The following DGLUCY variants were observed in gnomAD, a reference collection of about 807,000 sequenced individuals.
DGLUCY encodes the protein D-glutamate cyclase.
DGLUCY carries 58 observed loss-of-function variants against 58.5 expected under a neutral mutation model. The observed-to-expected ratio is 0.99, with a 90% CI of 0.80 to 1.23. The LOEUF is 1.23. DGLUCY is among the 50% of genes most tolerant of loss of function. The pLI, the probability that DGLUCY is intolerant of heterozygous loss-of-function variation, is 0.00. For synonymous variants in DGLUCY, 325 were observed against 314.1 expected (o/e 1.03, Z -0.37); for missense variants, 779 against 784.7 (o/e 0.99, Z 0.09).
At chr14:91,119,247 C>T (rs2140132114) in intron 1 of DGLUCY, among the ~76,000 whole-genome samples, 1 of 152,270 alleles carries the variant, frequency 6.6e-6, no homozygotes, top group Non-Finnish European at 1.5e-5. Flanking sequence ...AGTGACTCAA[C>T]ATCACCTTCA....
At chr14:91,181,513 A>C in intron 8 of DGLUCY, 124 bp downstream of exon 8, 3 of 941,060 alleles carry the variant, frequency 3.2e-6, no homozygotes, top group Non-Finnish European at 3.2e-6. Context: ...TGATTTTTTA[A>C]ATGTTGATAC....
At chr14:91,201,685 C>T (rs2050571923) in intron 11 of DGLUCY, among the ~76,000 whole-genome samples, 2 of 152,138 alleles carry the variant, frequency 1.3e-5, no homozygotes, top group South Asian at 2.1e-4. Flanking sequence ...CTCAAGCTAT[C>T]TTCCCACCTC....
At chr14:91,089,769 C>T (rs902803089) in intron 1 of DGLUCY, among the ~76,000 whole-genome samples, 1 of 149,576 alleles carries the variant, frequency 6.7e-6, no homozygotes, top group African/African-American at 2.5e-5. Flanking sequence ...TGCAGTGAGC[C>T]GAGATCACGC....
upstream of DGLUCY, among the ~76,000 whole-genome samples, chr14:91,110,732 G>C (rs944932932): frequency 1.2e-4 from 19 of 152,134 alleles, no homozygotes; most frequent in Admixed American, 6.6e-5. Flanking sequence ...CACTGTGCCC[G>C]GCCAATAGTT....
chr14:91,109,158 T>A (rs2044651897), upstream of DGLUCY, among the ~76,000 whole-genome samples: 1 of 152,224 alleles, frequency 6.6e-6, no homozygotes, highest in African/African-American at 2.4e-5. Context: ...CAGGAAGTGC[T>A]GCCGTGACAA....
At chr14:91,094,422 G>T (rs1345519090) in intron 1 of DGLUCY, among the ~76,000 whole-genome samples, 17 of 148,168 alleles carry the variant, frequency 1.1e-4, no homozygotes, top group African/African-American at 4.2e-4. Flanking sequence ...GCGACCGAGC[G>T]AGACTCTGTC....
chr14:91,189,224 G>A, intron 9 of DGLUCY, 54 bp downstream of exon 9: 1 of 1,602,424 alleles, frequency 6.2e-7, no homozygotes, highest in East Asian at 2.2e-5. Context: ...TGTGGACGGA[G>A]GCTGGAGGGA....
intron 1 of DGLUCY, among the ~76,000 whole-genome samples, chr14:91,074,050 G>A (rs1245824671): frequency 4.8e-5 from 7 of 146,568 alleles, no homozygotes; most frequent in Non-Finnish European, 7.5e-5. Flanking sequence ...GATCCCAGGA[G>A]TTTGAGACCA....
intron 13 of DGLUCY, among the ~76,000 whole-genome samples, chr14:91,219,559 A>G (rs1195883135): frequency 6.6e-6 from 1 of 152,248 alleles, no homozygotes; most frequent in East Asian, 1.9e-4. Flanking sequence ...AGCTCTGCTC[A>G]GTGAGTTGCA....
At chr14:91,137,108 A>G (rs1397032097) in intron 1 of DGLUCY, among the ~76,000 whole-genome samples, 1 of 151,960 alleles carries the variant, frequency 6.6e-6, no homozygotes, top group Non-Finnish European at 1.5e-5. Flanking sequence ...ATGGGAGGCA[A>G]AGGCCCAGCA....
intron 12 of DGLUCY, among the ~76,000 whole-genome samples, chr14:91,209,319 A>T (rs1252810423): frequency 6.6e-6 from 1 of 152,146 alleles, no homozygotes; most frequent in Non-Finnish European, 1.5e-5. Context: ...GGAATAAAGA[A>T]CAAAGGCAAT....
chr14:91,145,905 C>G (rs1202608436), intron 1 of DGLUCY, among the ~76,000 whole-genome samples: 1 of 152,106 alleles, frequency 6.6e-6, no homozygotes, highest in Non-Finnish European at 1.5e-5. Flanking sequence ...TGGAGACAGG[C>G]TCTCACCCTG....
intron 8 of DGLUCY, among the ~76,000 whole-genome samples, chr14:91,187,214 G>A (rs1033134506): frequency 6.6e-6 from 1 of 152,066 alleles, no homozygotes; most frequent in African/African-American, 2.4e-5. Context: ...TGACCAGGCT[G>A]GTCTTGAACT....
chr14:91,208,719 A>T (rs1463456093), intron 12 of DGLUCY, among the ~76,000 whole-genome samples: 1 of 152,154 alleles, frequency 6.6e-6, no homozygotes, highest in Non-Finnish European at 1.5e-5. Flanking sequence ...ACTATACTAC[A>T]GCCTGGGTGA....
At chr14:91,198,138 G>A (rs2050331536) in intron 10 of DGLUCY, among the ~76,000 whole-genome samples, 1 of 152,154 alleles carries the variant, frequency 6.6e-6, no homozygotes, top group South Asian at 2.1e-4. Flanking sequence ...TGCCTCCCGG[G>A]TTCAAGTGAT....
rs957696277 is a variant in DGLUCY at position 91,198,832 on chromosome 14, T to C, written c.1296-925T>C. On this transcript the variant is annotated intron_variant, in intron 10 of 13. Transcript: ENST00000256324. ...GGTACACAGTGTGGTCATGTCACCC[T>C]ACAGATGCAGAAAATGAAGGTTAGG... Among the ~76,000 whole-genome samples the C allele has an allele frequency of 1.5e-4, 23 of 152,170 alleles. 1 individual carries two copies. The highest frequency in any genetic ancestry group is 1.3e-3 in the Admixed American group (20 of 15,282).
intron 1 of DGLUCY, among the ~76,000 whole-genome samples, chr14:91,076,458 T>C (rs558118973): frequency 6.6e-6 from 1 of 152,288 alleles, no homozygotes; most frequent in South Asian, 2.1e-4. Context: ...GTTTTTTTCT[T>C]CCTGAATCTT....
In DGLUCY at chr14:91,165,840, A is replaced by G. The variant is rs189703995; in HGVS notation, c.104-1385A>G. On this transcript the variant is annotated intron_variant, in intron 3 of 13. Coordinates refer to ENST00000256324, the MANE Select transcript of DGLUCY (RefSeq NM_001102368.3). ...TTAAAGTTGCACATGTGTATAACTT[A>G]CCACCCCAGAAATGCACATTTATGT... Among the ~76,000 whole-genome samples, 634 of 152,306 alleles carry G rather than the reference A, an allele frequency of 4.2e-3. 2 individuals carry two copies. Among genetic ancestry groups the G allele is most frequent in the Non-Finnish European group, 7.2e-3 (490 of 68,020 alleles).
In DGLUCY at chr14:91,142,340, G is replaced by A. The variant is rs57216933; in HGVS notation, c.-81-15299G>A. Among the ~76,000 whole-genome samples, 373 of 152,088 alleles carry A rather than the reference G, an allele frequency of 2.5e-3. 3 individuals carry two copies. The highest frequency in any genetic ancestry group is 8.5e-3 in the African/African-American group (353 of 41,496). ...TTTTTGACAAGCACTCCAGGGTCCT[G>A]GAGAGCTACACTTTGAGAACACTTC... On this transcript the variant is annotated intron_variant, in intron 1 of 13. Transcript: ENST00000256324.
Sources: allele counts gnomAD v4.1 joint callset (sites outside exome capture counted in the v4.1 genomes callset), GRCh38; gene constraint gnomAD v4.1.1; transcripts MANE v1.5; gene names NCBI Gene and HGNC (gene_info 2026-07-23, HGNC 2026-07-21).